BAZ2A: variants seen among roughly 807,000 people sequenced by gnomAD.
The protein encoded by BAZ2A is bromodomain adjacent to zinc finger domain protein 2A.
A neutral mutation model predicts 199.9 loss-of-function variants in BAZ2A; 34 were observed. That is an observed-to-expected ratio of 0.17 (90% CI 0.13 to 0.23). The LOEUF is 0.23. BAZ2A is among the 10% of genes least tolerant of loss of function. The pLI, the probability that BAZ2A is intolerant of heterozygous loss-of-function variation, is 1.00. For missense variants in BAZ2A, 2,002 were observed against 2,391.1 expected, an observed-to-expected ratio of 0.84 and a Z score of 3.39; for synonymous variants, 857 against 883.9, an observed-to-expected ratio of 0.97 and a Z score of 0.54.
At chr12:56,631,450 CAAAAA>C, upstream of BAZ2A, among the ~76,000 whole-genome samples, 1 of 81,592 alleles carries the variant, frequency 1.2e-5, no homozygotes, top group South Asian at 4.1e-4. Context: ...GACTCTATCT[CAAAAA>C]AAAAAAAAAA....
At chr12:56,638,278 T>C, upstream of BAZ2A, 1 of 1,522,734 alleles carries the variant, frequency 6.6e-7, no homozygotes, top group Non-Finnish European at 9.0e-7. Flanking sequence ...TGAAGCTTTT[T>C]GGGTTAGGGG....
Position 56,630,299 on chromosome 12 carries a change from G to T in BAZ2A, c.-177C>A. ...GCGGCTCAACCGCGGGGCCCGAGAGGAGCCAACATGGCCGGCGGGGGAGGA... is the reference window on the plus strand; with the variant it reads ...GCGGCTCAACCGCGGGGCCCGAGAGTAGCCAACATGGCCGGCGGGGGAGGA... On this transcript the variant is annotated 5_prime_UTR_variant, in exon 1 of 29. Coordinates refer to ENST00000549884, the MANE Select transcript of BAZ2A (RefSeq NM_001300905.2). 1.0e-5 allele frequency: 10 copies of T among 984,898 alleles called. No homozygotes were observed. Among genetic ancestry groups the T allele is most frequent in the Non-Finnish European group, 1.2e-5 (10 of 829,398 alleles). The allele number at this position is 984,898 out of a possible 1,614,324, so 61.0% of individuals were successfully genotyped here.
chr12:56,630,347 G>T (rs1951272767), upstream of BAZ2A: 2 of 919,168 alleles, frequency 2.2e-6, no homozygotes, highest in Non-Finnish European at 2.6e-6. Context: ...CGGAGGGGGC[G>T]GAGAAGCCTC....
intron 8 of BAZ2A, 96 bp downstream of exon 8, chr12:56,610,313 C>T (rs1950519805): frequency 1.5e-5 from 23 of 1,570,454 alleles, no homozygotes; most frequent in South Asian, 6.7e-5. Flanking sequence ...CAGACAATGC[C>T]AGCCTGTTGT....
intron 1 of BAZ2A, among the ~76,000 whole-genome samples, chr12:56,622,264 C>A (rs931772288): frequency 6.6e-6 from 1 of 152,102 alleles, no homozygotes. Context: ...TGCTTGAATC[C>A]AGGAGATGGA....
Position 56,601,756 on chromosome 12 carries a change from T to G in BAZ2A, c.3861A>C (p.Thr1287=). The G allele has an allele frequency of 6.2e-7, 1 of 1,613,878 alleles. No homozygotes were observed. Residue 1287 remains threonine, a synonymous_variant, in exon 20 of 29, where the codon ACA becomes ACC. Transcript: ENST00000549884. ...CTAGTTTTCCCGGACTGCTATCAGG[T>G]GTGAGGACTGAGCTGCTCAACAGGG... ...HSSLLSSSVL[T]PDSSPGKLDP...
rs1886451929 is a variant in BAZ2A, at chr12:56,601,277, C to T, written c.4197G>A (p.Leu1399=). The T allele has an allele frequency of 6.2e-7, 1 of 1,613,928 alleles. No homozygotes were observed. Among genetic ancestry groups the T allele is most frequent in the Admixed American group, 1.7e-5 (1 of 60,012 alleles). ...GTCTCCCTCTCCGTTTGGGCTGTCC[C>T]AGCCCTGTGGGACTCTGTGGCATTT... The part of the protein sequence containing the change: ...PGEMPQSPTG[L]GQPKRRGRPP... The change falls in exon 21 of 29, where the codon CTG becomes CTA. Residue 1399 remains leucine (L), a synonymous_variant. Coordinates refer to ENST00000549884, the MANE Select transcript of BAZ2A (RefSeq NM_001300905.2).
Position 56,635,836 on chromosome 12 carries a change from A to T in BAZ2A, c.4+346T>A, listed in dbSNP as rs1044553420. ...TCCAGCACTGCCAAAAGCCGGCTTT[A>T]CTTTTGTGGGGGCTAGCAGTGAGTA... On this transcript the variant is annotated intron_variant, in intron 1 of 29. Coordinates refer to the BAZ2A transcript ENST00000379441. This position sits in a 1 kb window ranked among gnomAD's most constrained non-coding sequence, Gnocchi z 4.1. Among the ~76,000 whole-genome samples, 1 of 152,100 alleles carries T rather than the reference A, an allele frequency of 6.6e-6. No homozygotes were observed. Among genetic ancestry groups the T allele is most frequent in the African/African-American group, 2.4e-5 (1 of 41,422 alleles).
upstream of BAZ2A, among the ~76,000 whole-genome samples, chr12:56,637,097 G>A (rs1951466103): frequency 6.6e-6 from 1 of 152,176 alleles, no homozygotes; most frequent in Non-Finnish European, 1.5e-5. Context: ...AGCCCCAGCT[G>A]GTCTGTAAAC....
At chr12:56,602,599 A>G (rs1412024004) in intron 19 of BAZ2A, 114 bp downstream of exon 19, 20 of 1,373,014 alleles carry the variant, frequency 1.5e-5, no homozygotes, top group Non-Finnish European at 1.9e-5. Flanking sequence ...TGTGCTCTTA[A>G]CCATTACGCT....
upstream of BAZ2A, among the ~76,000 whole-genome samples, chr12:56,632,878 C>T (rs1442152731): frequency 1.3e-5 from 2 of 152,048 alleles, no homozygotes; most frequent in Non-Finnish European, 2.9e-5. Flanking sequence ...TGTGCTTCTC[C>T]CCCCATCCAG....
At position 56,615,620 on chromosome 12, in the gene BAZ2A, G is replaced by C. The variant is rs773301840; in HGVS notation, c.137-13C>G. ...TCCCCATTCAAACCTGGCAGAGAAA[G>C]AAAGAAAAGGTCAGTTACAGATATG... On this transcript the variant is annotated splice_polypyrimidine_tract_variant and intron_variant, in intron 2 of 28. Coordinates refer to ENST00000549884, the MANE Select transcript of BAZ2A (RefSeq NM_001300905.2). 35 of 1,558,986 alleles carry C rather than the reference G, an allele frequency of 2.2e-5. No homozygotes were observed. Among genetic ancestry groups the C allele is most frequent in the Non-Finnish European group, 3.1e-5 (35 of 1,147,062 alleles).
chr12:56,628,796 C>CCGA (rs1951195523), intron 1 of BAZ2A, among the ~76,000 whole-genome samples: 1 of 152,214 alleles, frequency 6.6e-6, no homozygotes, highest in African/African-American at 2.4e-5. Context: ...CCCCAAGAAG[C>CCGA]TACTCGTGCC....
In BAZ2A at chr12:56,606,240, C is replaced by G; in HGVS notation, c.2259+7G>C. On this transcript the variant is annotated splice_region_variant and intron_variant, in intron 12 of 28. Transcript: ENST00000549884. ...ATTATACTTGGCAAGTTTGTACATG[C>G]ACCTACCTTGGATTTCTTCTTAGCT... The G allele has an allele frequency of 6.2e-7, 1 of 1,614,008 alleles. No homozygotes were observed. The highest frequency in any genetic ancestry group is 2.2e-5 in the East Asian group (1 of 44,892).
intron 1 of BAZ2A, among the ~76,000 whole-genome samples, chr12:56,629,532 G>A (rs1166829325): frequency 2.0e-5 from 3 of 152,102 alleles, no homozygotes; most frequent in East Asian, 3.9e-4. Context: ...CGATTCTCCC[G>A]GGACGCGAGG....
At chr12:56,615,840 C>A (rs1950700376) in intron 2 of BAZ2A, among the ~76,000 whole-genome samples, 1 of 152,150 alleles carries the variant, frequency 6.6e-6, no homozygotes, top group South Asian at 2.1e-4. Context: ...GCTCTCCAGG[C>A]CTACCATGAG....
At chr12:56,599,528 C>G (rs772468701) in intron 26 of BAZ2A, among the ~76,000 whole-genome samples, 170 bp from the exon 27 acceptor site, 41 of 152,178 alleles carry the variant, frequency 2.7e-4, no homozygotes, top group Non-Finnish European at 4.4e-4. Flanking sequence ...TATAGTTATT[C>G]TCATTTTATA....
upstream of BAZ2A, chr12:56,635,047 G>A: frequency 1.0e-6 from 1 of 984,790 alleles, no homozygotes; most frequent in Non-Finnish European, 1.2e-6. The surrounding 1 kb of genome is among the most constrained non-coding windows in gnomAD (Gnocchi z 4.1). Flanking sequence ...GGCCGGCGGC[G>A]GCGGAGGGGA....
intron 1 of BAZ2A, among the ~76,000 whole-genome samples, chr12:56,619,098 C>T (rs532315034): frequency 5.3e-5 from 8 of 151,628 alleles, no homozygotes; most frequent in Admixed American, 5.3e-4. Context: ...AATCCCAGCA[C>T]TTTGGGAGGC....
Sources: allele counts gnomAD v4.1 joint callset (sites outside exome capture counted in the v4.1 genomes callset), GRCh38; gene constraint gnomAD v4.1.1; non-coding constraint Gnocchi (gnomAD v3.1); transcripts MANE v1.5; gene names NCBI Gene and HGNC (gene_info 2026-07-23, HGNC 2026-07-21).